The following PRKG1 variants were observed in gnomAD, a reference collection of about 807,000 sequenced individuals.
PRKG1 encodes cGMP-dependent protein kinase 1.
A neutral mutation model predicts 88.1 loss-of-function variants in PRKG1; 35 were observed. The ratio of observed to expected loss-of-function variants is 0.40; its 90% CI spans 0.30 to 0.53. The LOEUF is 0.53. PRKG1 is among the 20% of genes least tolerant of loss of function. PRKG1 has a pLI of 0.59. For missense variants in PRKG1, 540 were observed against 839.8 expected (o/e 0.64, Z 4.41); for synonymous variants, 303 against 292.5 (o/e 1.04, Z -0.37).
intron 5 of PRKG1, among the ~76,000 whole-genome samples, chr10:51,962,631 T>C (rs919066087): frequency 6.6e-6 from 1 of 152,176 alleles, no homozygotes; most frequent in Non-Finnish European, 1.5e-5. Flanking sequence ...CTGCTTTTTT[T>C]TCCTGACTCT....
intron 7 of PRKG1, among the ~76,000 whole-genome samples, chr10:52,124,676 T>C (rs1030348510): frequency 6.6e-6 from 1 of 152,166 alleles, no homozygotes; most frequent in African/African-American, 2.4e-5. Flanking sequence ...AATTTTTTAC[T>C]TTATAAACTT....
intron 2 of PRKG1, among the ~76,000 whole-genome samples, chr10:51,432,068 A>G (rs1838785871): frequency 6.6e-6 from 1 of 152,166 alleles, no homozygotes; most frequent in South Asian, 2.1e-4. Flanking sequence ...ACCAAAACAC[A>G]TGTACCACAT....
chr10:51,284,695 C>G (rs1323092836), intron 2 of PRKG1, among the ~76,000 whole-genome samples: 1 of 151,978 alleles, frequency 6.6e-6, no homozygotes, highest in African/African-American at 2.4e-5. Context: ...ACTTCTATCC[C>G]AACAATTTCC....
chr10:51,079,627 A>G (rs760369811), intron 1 of PRKG1, among the ~76,000 whole-genome samples: 5 of 152,120 alleles, frequency 3.3e-5, no homozygotes, highest in Non-Finnish European at 7.4e-5. Context: ...CTATGATTTG[A>G]TAAAGTAGGC....
At chr10:52,188,253 TATATATATACATATGTATATATATAC>T (rs1839260112) in intron 9 of PRKG1, among the ~76,000 whole-genome samples, 1 of 3,996 alleles carries the variant, frequency 2.5e-4, no homozygotes, top group Admixed American at 3.1e-3. Context: ...TATATATGTG[TATATATATACATATGTATATATATAC>T]ATATATATGT....
At chr10:51,089,248 C>T (rs1589144247) in intron 1 of PRKG1, among the ~76,000 whole-genome samples, 1 of 152,238 alleles carries the variant, frequency 6.6e-6, no homozygotes, top group African/African-American at 2.4e-5. Context: ...ATTGGTTAAT[C>T]TTAAAAATAA....
chr10:51,028,764 T>C (rs1330954337), intron 1 of PRKG1, among the ~76,000 whole-genome samples: 2 of 152,142 alleles, frequency 1.3e-5, no homozygotes, highest in Non-Finnish European at 2.9e-5. Context: ...CCAGGCAGGA[T>C]AATTTTTCTT....
At chr10:51,044,170 T>C (rs943197061) in intron 1 of PRKG1, among the ~76,000 whole-genome samples, 2 of 152,200 alleles carry the variant, frequency 1.3e-5, no homozygotes, top group African/African-American at 4.8e-5. Flanking sequence ...CTCACTCTTA[T>C]ATCTTTCATC....
chr10:52,098,234 A>AT (rs2132560776), intron 7 of PRKG1, among the ~76,000 whole-genome samples: 1 of 152,300 alleles, frequency 6.6e-6, no homozygotes, highest in East Asian at 1.9e-4. Flanking sequence ...AAAATAATAC[A>AT]TTTTGATAGC....
At chr10:51,176,546 T>C (rs2132017713) in intron 2 of PRKG1, among the ~76,000 whole-genome samples, 1 of 152,212 alleles carries the variant, frequency 6.6e-6, no homozygotes, top group East Asian at 1.9e-4. Context: ...GTAACAGTTA[T>C]CAAAGCAATA....
intron 2 of PRKG1, among the ~76,000 whole-genome samples, chr10:51,406,616 T>C (rs1588924522): frequency 1.2e-5 from 1 of 84,148 alleles, no homozygotes; most frequent in South Asian, 4.7e-4. Context: ...ATAAGCATTA[T>C]GTTTGTTTTT....
intron 2 of PRKG1, among the ~76,000 whole-genome samples, chr10:51,442,621 G>A (rs1839150859): frequency 6.6e-6 from 1 of 151,928 alleles, no homozygotes. Flanking sequence ...AGGTGGCCTA[G>A]ACATGTGGAT....
intron 16 of PRKG1, among the ~76,000 whole-genome samples, chr10:52,289,658 C>T (rs73348739): frequency 1.3e-5 from 2 of 150,598 alleles, no homozygotes; most frequent in South Asian, 4.2e-4. Context: ...AGAAAACAAA[C>T]AAGCAAAAAC....
rs1231782090 is a variant in PRKG1 at position 52,296,833 on chromosome 10, T to C, written c.*2933T>C. On this transcript the variant is annotated 3_prime_UTR_variant, in exon 18 of 18. Coordinates refer to ENST00000373980, the MANE Select transcript of PRKG1 (RefSeq NM_006258.4). ...TTATATCTTCTTTCTTATTAAGACA[T>C]GAATCAGATCCATGTGGCATTCAAA... 2 of 152,128 alleles carry C rather than the reference T, an allele frequency of 1.3e-5. No individual in the cohort carries two copies. Among genetic ancestry groups the C allele is most frequent in the South Asian group, 2.1e-4 (1 of 4,834 alleles). 9.4% of individuals were successfully genotyped at this position (152,128 alleles called of 1,614,324 possible).
chr10:52,036,334 C>A (rs1426412585), intron 5 of PRKG1, among the ~76,000 whole-genome samples: 1 of 151,764 alleles, frequency 6.6e-6, no homozygotes, highest in Non-Finnish European at 1.5e-5. Context: ...GGTGGATAGG[C>A]AAAACAATTT....
chr10:51,538,714 A>G (rs1589057618), intron 3 of PRKG1, among the ~76,000 whole-genome samples: 2 of 151,432 alleles, frequency 1.3e-5, no homozygotes, highest in South Asian at 4.2e-4. Flanking sequence ...TATGGTATCT[A>G]TGCTTCAGTT....
At chr10:51,070,967 GAT>G (rs1308425407), upstream of PRKG1, among the ~76,000 whole-genome samples, 1 of 152,176 alleles carries the variant, frequency 6.6e-6, no homozygotes, top group Admixed American at 6.5e-5. Context: ...CTTCATCTCA[GAT>G]AGGCAGTGGG....
intron 4 of PRKG1, among the ~76,000 whole-genome samples, chr10:51,851,915 A>G (rs1840564528): frequency 6.6e-6 from 1 of 152,106 alleles, no homozygotes; most frequent in South Asian, 2.1e-4. Flanking sequence ...TTGTGGCCTT[A>G]GCAGTAAAGA....
chr10:51,316,484 C>G (rs191334245), intron 2 of PRKG1, among the ~76,000 whole-genome samples: 361 of 152,132 alleles, frequency 2.4e-3, no homozygotes, highest in African/African-American at 8.2e-3. Flanking sequence ...GAGTTCAAGA[C>G]CAGCCTGGCC....
Sources: gnomAD v4.1 joint callset for allele counts (sites outside exome capture counted in the v4.1 genomes callset) on GRCh38, gnomAD v4.1.1 for gene constraint, MANE v1.5 for transcripts, NCBI Gene and HGNC (gene_info 2026-07-23, HGNC 2026-07-21) for gene names.